The following SLC4A4 variants were observed in gnomAD, a reference collection of about 807,000 sequenced individuals.
The protein encoded by SLC4A4 is electrogenic sodium bicarbonate cotransporter 1.
SLC4A4 carries 27 observed loss-of-function variants against 111.5 expected under a neutral mutation model. The observed-to-expected ratio is 0.24, with a 90% confidence interval of 0.18 to 0.33. The LOEUF (loss-of-function observed/expected upper bound fraction) is 0.33, where lower values mean the gene tolerates loss of function less well. Ranked by LOEUF, SLC4A4 falls within the 10% of genes least tolerant of loss-of-function variation. The pLI is 1.00. For missense variants in SLC4A4, 909 were observed against 1,315.5 expected, an observed-to-expected ratio of 0.69 and a Z score of 4.78; for synonymous variants, 443 against 463.4, an observed-to-expected ratio of 0.96 and a Z score of 0.57.
Position 71,102,699 on chromosome 4 carries a change from C to A in SLC4A4, c.-2+9907C>A, listed in dbSNP as rs1489002047. 6.5e-4 allele frequency among the ~76,000 whole-genome samples: 98 copies of A among 150,250 alleles called. 1 individual carries two copies. The highest frequency in any genetic ancestry group is 6.9e-3 in the Middle Eastern group (2 of 288). ...TTCATAAGTGAAGGAGAAATAAAATCCTTTACAGACAAGCAAATGCTGAGA... is the reference window on the plus strand; with the variant it reads ...TTCATAAGTGAAGGAGAAATAAAATACTTTACAGACAAGCAAATGCTGAGA... On this transcript the variant is annotated intron_variant, in intron 2 of 26. Transcript: ENST00000649996.
At chr4:71,424,905 G>T (rs1234235058) in intron 7 of SLC4A4, among the ~76,000 whole-genome samples, 2 of 151,952 alleles carry the variant, frequency 1.3e-5, no homozygotes, top group African/African-American at 2.4e-5. Context: ...ACGAGTTAGT[G>T]GGTGCAATGC....
chr4:71,375,935 C>G (rs1732307749), intron 6 of SLC4A4, among the ~76,000 whole-genome samples: 1 of 151,634 alleles, frequency 6.6e-6, no homozygotes, highest in Non-Finnish European at 1.5e-5. Flanking sequence ...AGTCCTGATT[C>G]TCAAAGTAGG....
intron 6 of SLC4A4, among the ~76,000 whole-genome samples, chr4:71,396,971 T>G (rs560296128): frequency 6.6e-6 from 1 of 152,348 alleles, no homozygotes; most frequent in Admixed American, 6.5e-5. Context: ...AGGCAGCCTG[T>G]GATAACACTA....
chr4:71,335,641 C>T (rs1020576718), intron 3 of SLC4A4, among the ~76,000 whole-genome samples: 7 of 152,056 alleles, frequency 4.6e-5, no homozygotes, highest in East Asian at 1.9e-4. Context: ...CTGACTAACA[C>T]GGTGAAACCC....
chr4:71,443,016 A>T (rs1724867577), intron 8 of SLC4A4, among the ~76,000 whole-genome samples: 1 of 147,568 alleles, frequency 6.8e-6, no homozygotes, highest in African/African-American at 2.5e-5. Flanking sequence ...GGATATGTTT[A>T]TGATTTTCCT....
intron 2 of SLC4A4, among the ~76,000 whole-genome samples, chr4:71,142,062 A>G (rs1050168229): frequency 3.3e-5 from 5 of 152,172 alleles, no homozygotes; most frequent in Non-Finnish European, 7.3e-5. Flanking sequence ...CTTTTTGTGT[A>G]TGTGTGTGTG....
intron 6 of SLC4A4, among the ~76,000 whole-genome samples, chr4:71,377,544 G>T (rs559502894): frequency 1.3e-5 from 2 of 152,252 alleles, no homozygotes; most frequent in African/African-American, 4.8e-5. Flanking sequence ...GAATGGGCTA[G>T]ATTTTGCTAT....
chr4:71,354,923 C>T (rs1193931192), intron 5 of SLC4A4, among the ~76,000 whole-genome samples: 1 of 152,124 alleles, frequency 6.6e-6, no homozygotes, highest in Non-Finnish European at 1.5e-5. Flanking sequence ...CATTCTCTCC[C>T]AATTGGTAGT....
chr4:71,386,919 G>T lies in SLC4A4; in HGVS notation c.731-10658G>T, dbSNP rs571532325. ...TAATGTAAGCAGGAGGCATAATTCT[G>T]AGGGGTGCTCTAAGCTCAAGAATTC... On this transcript the variant is annotated intron_variant, in intron 6 of 25. Coordinates refer to ENST00000264485, the MANE Select transcript of SLC4A4 (RefSeq NM_001098484.3). Among the ~76,000 whole-genome samples, 7 of 152,276 alleles carry T rather than the reference G, an allele frequency of 4.6e-5. No homozygotes were observed. The South Asian group carries it at 1.5e-3, about 32-fold the overall frequency.
intron 12 of SLC4A4, among the ~76,000 whole-genome samples, chr4:71,454,839 G>C (rs756087581): frequency 3.3e-5 from 5 of 152,078 alleles, no homozygotes; most frequent in Non-Finnish European, 5.9e-5. Context: ...ATGGTGGGTT[G>C]GCTCAGCTGA....
At chr4:71,450,239 G>A (rs1725631659) in intron 9 of SLC4A4, 150 bp from the exon 10 acceptor site, 10 of 657,456 alleles carry the variant, frequency 1.5e-5, no homozygotes, top group South Asian at 8.7e-5. Context: ...ATATTTTCGG[G>A]GGGCAGGCTG....
At chr4:71,403,379 C>T (rs1720544871) in intron 7 of SLC4A4, among the ~76,000 whole-genome samples, 1 of 152,176 alleles carries the variant, frequency 6.6e-6, no homozygotes, top group Non-Finnish European at 1.5e-5. Flanking sequence ...ACAGATAAAT[C>T]TTTTGACTCA....
chr4:71,236,457 C>T, intron 1 of SLC4A4, 119 bp from the exon 2 acceptor site: 1 of 910,096 alleles, frequency 1.1e-6, no homozygotes, highest in East Asian at 2.8e-5. Flanking sequence ...AGAAGAGTGA[C>T]TCTGCCCTGC....
At chr4:71,074,340 T>C (rs1741751736) in intron 1 of SLC4A4, among the ~76,000 whole-genome samples, 1 of 152,216 alleles carries the variant, frequency 6.6e-6, no homozygotes, top group Admixed American at 6.5e-5. Flanking sequence ...CTGGCATCTA[T>C]TTTAAAGAAA....
intron 7 of SLC4A4, among the ~76,000 whole-genome samples, chr4:71,418,050 G>A (rs191324548): frequency 1.1e-4 from 17 of 152,226 alleles, no homozygotes; most frequent in Middle Eastern, 6.8e-3. Flanking sequence ...AGCTATATGC[G>A]TATTGACAAT....
rs138304955 is a variant in SLC4A4, at chr4:71,377,652, C to T, written c.731-19925C>T. Among the ~76,000 whole-genome samples, 13 of 152,278 alleles carry T rather than the reference C, an allele frequency of 8.5e-5. No homozygotes were observed. The East Asian group carries it at 2.5e-3, about 29-fold the overall frequency. Reference sequence around the variant, plus strand: ...GTGTAATGTGGATCTTCAGGGGTCTCTGCTCATCATTGTTAGTTAGGATCA... The same window carrying T: ...GTGTAATGTGGATCTTCAGGGGTCTTTGCTCATCATTGTTAGTTAGGATCA... On this transcript the variant is annotated intron_variant, in intron 6 of 25. Transcript: ENST00000264485.
chr4:71,347,095 G>A (rs1002783864), intron 4 of SLC4A4, among the ~76,000 whole-genome samples: 2 of 152,034 alleles, frequency 1.3e-5, no homozygotes, highest in Non-Finnish European at 2.9e-5. Flanking sequence ...AGAAGGGTGA[G>A]TAATACTATT....
At chr4:71,082,292 C>T (rs565745039) in intron 1 of SLC4A4, among the ~76,000 whole-genome samples, 2 of 152,042 alleles carry the variant, frequency 1.3e-5, no homozygotes, top group Admixed American at 1.3e-4. Context: ...CATTTGCAGC[C>T]AGTTATATAG....
rs1365531302 is a variant in SLC4A4 at position 71,567,066 on chromosome 4, G to GTCAC, written c.*22_*25dup. The GTCAC allele has an allele frequency of 6.2e-7, 1 of 1,609,334 alleles. No homozygotes were observed. Among genetic ancestry groups the GTCAC allele is most frequent in the Non-Finnish European group, 8.5e-7 (1 of 1,177,184 alleles). On this transcript the variant is annotated 3_prime_UTR_variant, in exon 25 of 26. Coordinates refer to ENST00000264485, the MANE Select transcript of SLC4A4 (RefSeq NM_001098484.3). ...ATGCTGATAAAATTCCTTTCCTTCAGTCACTCGGTATGCCAAGGTAAAGGA... is the reference window on the plus strand; with the variant it reads ...ATGCTGATAAAATTCCTTTCCTTCAGTCACTCACTCGGTATGCCAAGGTAAAGGA...
Sources: gnomAD v4.1 joint callset for allele counts (sites outside exome capture counted in the v4.1 genomes callset) on GRCh38, gnomAD v4.1.1 for gene constraint, MANE v1.5 for transcripts, NCBI Gene and HGNC (gene_info 2026-07-23, HGNC 2026-07-21) for gene names.